RASIP1: variants seen among roughly 807,000 people sequenced by gnomAD.
RASIP1 encodes the protein Ras interacting protein 1.
In RASIP1, 20 loss-of-function variants were observed where a neutral mutation model predicts 85.3. That is an observed-to-expected ratio of 0.23 (90% CI 0.17 to 0.34). The LOEUF (loss-of-function observed/expected upper bound fraction) is 0.34, where lower values mean the gene tolerates loss of function less well. Among genes scored for constraint, RASIP1 ranks in the 10% least tolerant of loss-of-function variants. The pLI is 1.00. For missense variants in RASIP1, 1,170 were observed against 1,390.9 expected (o/e 0.84, Z 2.53); for synonymous variants, 617 against 647.1 (o/e 0.95, Z 0.71).
rs956672159 is a variant in RASIP1, at chr19:48,720,997, C to T, written c.2693G>A (p.Gly898Glu). ...CGAGGAGAAGCTTTCGAAGATGTCCCCTGTGAGGCCGAAGGCGGCGCGGTT... is the reference window on the plus strand; with the variant it reads ...CGAGGAGAAGCTTTCGAAGATGTCCTCTGTGAGGCCGAAGGCGGCGCGGTT... ...PPAEREAVDT[G>E]DIFESFSSHP... is the part of the protein sequence containing the mutation. Residue 898 changes from glycine (G) to glutamate (E), a missense_variant and splice_region_variant, in exon 12 of 12, where the codon GGG (glycine) becomes GAG (glutamate). Transcript: ENST00000222145. The T allele has an allele frequency of 1.3e-6, 2 of 1,592,786 alleles. No individual in the cohort carries two copies. Among genetic ancestry groups the T allele is most frequent in the South Asian group, 1.1e-5 (1 of 90,342 alleles).
At position 48,724,225 on chromosome 19, in the gene RASIP1, G is replaced by A; in HGVS notation, c.2544+112C>T. 8.8e-7 allele frequency: 1 copy of A among 1,142,036 alleles called. No homozygotes were observed. The highest frequency in any genetic ancestry group is 2.5e-5 in the East Asian group (1 of 39,970). 70.7% of individuals were successfully genotyped at this position (1,142,036 alleles called of 1,614,324 possible). A position where few individuals can be genotyped will look rare whatever the true frequency, so the allele number is the denominator to read the frequency against. ...ACCCACAGTGTCTGAGCTGGGGCTG[G>A]GGATGGCATGGGGTTCAAGGGGAGC... is the stretch of plus-strand genomic sequence containing the variant. On this transcript the variant is annotated intron_variant, in intron 10 of 11. Coordinates refer to ENST00000222145, the MANE Select transcript of RASIP1 (RefSeq NM_017805.3). This position sits in a 1 kb window ranked among gnomAD's most constrained non-coding sequence, Gnocchi z 4.6.
chr19:48,722,300 ATTT>A (rs71179038), intron 10 of RASIP1, among the ~76,000 whole-genome samples: 26 of 98,296 alleles, frequency 2.6e-4, no homozygotes, highest in African/African-American at 8.2e-4. Flanking sequence ...GTACTTGGGG[ATTT>A]TTTTTTTTTT....
intron 11 of RASIP1, 85 bp from the exon 12 acceptor site, chr19:48,721,082 C>A: frequency 8.2e-7 from 1 of 1,216,622 alleles, no homozygotes; most frequent in South Asian, 1.6e-5. Flanking sequence ...GCGTCACACC[C>A]AAAGGAAGAA....
intron 10 of RASIP1, among the ~76,000 whole-genome samples, chr19:48,723,436 T>A (rs2033285359): frequency 6.6e-6 from 1 of 151,842 alleles, no homozygotes; most frequent in African/African-American, 2.4e-5. Flanking sequence ...GGCGCGTGCC[T>A]GTTATCCCGG....
chr19:48,735,799 T>C (rs544251005), intron 3 of RASIP1, among the ~76,000 whole-genome samples: 93 of 152,008 alleles, frequency 6.1e-4, no homozygotes, highest in African/African-American at 2.1e-3. Flanking sequence ...TCTTCTTTTT[T>C]TTTTTTTTTA....
Position 48,729,095 on chromosome 19 carries a change from T to C in RASIP1, c.1675A>G (p.Ile559Val). 7.3e-7 allele frequency: 1 copy of C among 1,373,734 alleles called. No individual in the cohort carries two copies. The highest frequency in any genetic ancestry group is 9.3e-7 in the Non-Finnish European group (1 of 1,071,748). The allele number at this position is 1,373,734 out of a possible 1,614,324, so 85.1% of individuals were successfully genotyped here. A position where few individuals can be genotyped will look rare whatever the true frequency, so the allele number is the denominator to read the frequency against. The change falls in exon 5 of 12, where the codon ATC becomes GTC. Residue 559 changes from isoleucine (I) to valine (V), a missense_variant. Physicochemically the swap from Ile to Val is conservative, Grantham distance 29. Coordinates refer to ENST00000222145, the MANE Select transcript of RASIP1 (RefSeq NM_017805.3). Reference sequence around the variant, plus strand: ...GAGCCGGCGGCTGCGGCGCGCACGATCTCGCCCAGCAGCGCCTCCTCCTCG... The same window carrying C: ...GAGCCGGCGGCTGCGGCGCGCACGACCTCGCCCAGCAGCGCCTCCTCCTCG... ...PREEEALLGE[I>V]VRAAAAGSGD...
In RASIP1 at chr19:48,740,182, T is replaced by C; in HGVS notation, c.101A>G (p.Lys34Arg). ...WINSPRKQLA[K>R]LGRRWPSAAS... is the part of the protein sequence containing the mutation. Reference sequence around the variant, plus strand: ...TGCGCTGGGCCAGCGCCGCCCCAGCTTCGCCAGCTGCTTCCTGGGGGAATT... The same window carrying C: ...TGCGCTGGGCCAGCGCCGCCCCAGCCTCGCCAGCTGCTTCCTGGGGGAATT... The change falls in exon 2 of 12, where the codon AAG becomes AGG. Residue 34 changes from lysine (K) to arginine (R), a missense_variant. Lys to Arg is a conservative substitution (Grantham distance 26). Transcript: ENST00000222145. This position sits in a 1 kb window ranked among gnomAD's most constrained non-coding sequence, Gnocchi z 5.5. 6.3e-7 allele frequency: 1 copy of C among 1,595,892 alleles called. No individual in the cohort carries two copies. Among genetic ancestry groups the C allele is most frequent in the Non-Finnish European group, 8.5e-7 (1 of 1,173,862 alleles).
At chr19:48,721,630 C>T (rs909673721) in intron 11 of RASIP1, among the ~76,000 whole-genome samples, 1 of 152,148 alleles carries the variant, frequency 6.6e-6, no homozygotes, top group Non-Finnish European at 1.5e-5. Context: ...GTGAAACCCC[C>T]GTCTCTACTA....
rs1034065270 is a variant in RASIP1 at position 48,735,520 on chromosome 19, C to T, written c.855G>A (p.Lys285=). ...CACCCGACGCCGCCCGGGAGCGGTT[C>T]TTCTGTGGCCGCCACGAAGGGGCGC... The part of the protein sequence containing the change: ...GTGAPSWRPQ[K]NRSRAASGGA... Residue 285 remains lysine (K), a synonymous_variant, in exon 4 of 12, where the codon AAG becomes AAA. Coordinates refer to ENST00000222145, the MANE Select transcript of RASIP1 (RefSeq NM_017805.3). The T allele has an allele frequency of 1.9e-6, 3 of 1,543,996 alleles. No homozygotes were observed. The highest frequency in any genetic ancestry group is 1.4e-5 in the African/African-American group (1 of 72,734).
chr19:48,737,494 C>A lies in RASIP1; in HGVS notation c.823+1466G>T, dbSNP rs1009174181. ...TCCTTCGCCTCTACAGTGATATCTT[C>A]CTTCAGCCCCTTCCTTTCCCATGTG... On this transcript the variant is annotated intron_variant, in intron 3 of 11. Transcript: ENST00000222145. The A allele has an allele frequency of 4.1e-6, 4 of 985,308 alleles. No individual in the cohort carries two copies. The Admixed American group carries it at 2.5e-4, about 61-fold the overall frequency. The allele number at this position is 985,308 out of a possible 1,614,324, so 61.0% of individuals were successfully genotyped here. A position where few individuals can be genotyped will look rare whatever the true frequency, so the allele number is the denominator to read the frequency against.
rs1245642877 is a variant in RASIP1, at chr19:48,739,366, G to C, written c.417C>G (p.Thr139=). The part of the protein sequence containing the change: ...AGVAPEPPLA[T]RATAPPGVLK... Reference sequence around the variant, plus strand: ...GGACCCCCGGAGGCGCCGTGGCGCGGGTAGCCAGCGGGGGCTCGGGGGCCA... The same window carrying C: ...GGACCCCCGGAGGCGCCGTGGCGCGCGTAGCCAGCGGGGGCTCGGGGGCCA... The change falls in exon 3 of 12, where the codon ACC becomes ACG. Residue 139 remains threonine, a synonymous_variant. Transcript: ENST00000222145. This position sits in a 1 kb window ranked among gnomAD's most constrained non-coding sequence, Gnocchi z 9.2. 8.2e-6 allele frequency: 11 copies of C among 1,343,490 alleles called. No homozygotes were observed. Among genetic ancestry groups the C allele is most frequent in the Non-Finnish European group, 1.0e-5 (11 of 1,052,270 alleles). The allele number at this position is 1,343,490 out of a possible 1,614,324, so 83.2% of individuals were successfully genotyped here.
At chr19:48,732,942 G>A (rs2033490638) in intron 4 of RASIP1, among the ~76,000 whole-genome samples, 2 of 152,110 alleles carry the variant, frequency 1.3e-5, no homozygotes. Flanking sequence ...TTTGCCATTG[G>A]TCCCAGCTGT....
chr19:48,736,793 G>A (rs2122478722), intron 3 of RASIP1, among the ~76,000 whole-genome samples: 1 of 152,326 alleles, frequency 6.6e-6, no homozygotes, highest in East Asian at 1.9e-4. Flanking sequence ...CCAGTACTTT[G>A]GGAGGCTGAG....
Position 48,739,480 on chromosome 19 carries a change from C to G in RASIP1, c.303G>C (p.Thr101=), listed in dbSNP as rs1260012439. 4 of 1,502,828 alleles carry G rather than the reference C, an allele frequency of 2.7e-6. No homozygotes were observed. The highest frequency in any genetic ancestry group is 3.5e-6 in the Non-Finnish European group (4 of 1,132,054). 93.1% of individuals were successfully genotyped at this position (1,502,828 alleles called of 1,614,324 possible). A position where few individuals can be genotyped will look rare whatever the true frequency, so the allele number is the denominator to read the frequency against. The part of the protein sequence containing the change: ...QLFRGSGTGT[T]GSSGAGGPGT... The stretch of plus-strand genomic sequence containing the variant: ...CAGGGCCTCCTGCGCCGCTGGACCC[C>G]GTGGTCCCGGTCCCCGAGCCCCGGA... Residue 101 remains threonine, a synonymous_variant, in exon 3 of 12, where the codon ACG becomes ACC. Transcript: ENST00000222145. This position sits in a 1 kb window ranked among gnomAD's most constrained non-coding sequence, Gnocchi z 9.2.
intron 3 of RASIP1, chr19:48,737,883 C>G (rs541053065): frequency 1.0e-6 from 1 of 984,014 alleles, no homozygotes; most frequent in Non-Finnish European, 1.2e-6. Context: ...TCCGTGCTTA[C>G]TCTTCCGGCT....
At position 48,729,057 on chromosome 19, in the gene RASIP1, C is replaced by A; in HGVS notation, c.1713G>T (p.Pro571=). ...RAAAAGSGDL[P]PLGPATLLAL... The stretch of plus-strand genomic sequence containing the variant: ...CCAGCAGCGTGGCGGGCCCGAGGGG[C>A]GGCAGGTCTCCCGAGCCGGCGGCTG... The change falls in exon 5 of 12, where the codon CCG becomes CCT. Residue 571 remains proline, a synonymous_variant. Coordinates refer to ENST00000222145, the MANE Select transcript of RASIP1 (RefSeq NM_017805.3). The A allele has an allele frequency of 7.2e-7, 1 of 1,393,144 alleles. No individual in the cohort carries two copies. Among genetic ancestry groups the A allele is most frequent in the African/African-American group, 1.5e-5 (1 of 65,414 alleles). 86.3% of individuals were successfully genotyped at this position (1,393,144 alleles called of 1,614,324 possible).
chr19:48,739,780 G>T lies in RASIP1; in HGVS notation c.138-135C>A. 1 of 859,914 alleles carries T rather than the reference G, an allele frequency of 1.2e-6. No homozygotes were observed. The highest frequency in any genetic ancestry group is 1.6e-6 in the Non-Finnish European group (1 of 615,550). 53.3% of individuals were successfully genotyped at this position (859,914 alleles called of 1,614,324 possible). On this transcript the variant is annotated intron_variant, in intron 2 of 11. Transcript: ENST00000222145. The surrounding 1 kb of genome is among the most constrained non-coding windows in gnomAD (Gnocchi z 9.2). ...CAGGGACCCAGGGTGGATGGACGGG[G>T]CGGGGGTGAGGGTGGGGACAGACGC...
Position 48,738,942 on chromosome 19 carries a change from GC to G in RASIP1, c.823+17del. On this transcript the variant is annotated intron_variant, in intron 3 of 11. Transcript: ENST00000222145. The surrounding 1 kb of genome is among the most constrained non-coding windows in gnomAD (Gnocchi z 4.0). ...TCTGGCACCGAGTCCCCGCCCCAGAGCCCCGCCCGCCGCTCACCTTCGCTGT... is the reference window on the plus strand; with the variant it reads ...TCTGGCACCGAGTCCCCGCCCCAGAGCCCGCCCGCCGCTCACCTTCGCTGT... 8.5e-7 allele frequency: 1 copy of G among 1,177,230 alleles called. No individual in the cohort carries two copies. The highest frequency in any genetic ancestry group is 1.0e-6 in the Non-Finnish European group (1 of 955,868). The allele number at this position is 1,177,230 out of a possible 1,614,324, so 72.9% of individuals were successfully genotyped here.
In RASIP1 at chr19:48,729,521, C is replaced by T. The variant is rs557995225; in HGVS notation, c.1249G>A (p.Gly417Arg). The change falls in exon 5 of 12, where the codon GGG becomes AGG. Residue 417 changes from glycine to arginine, a missense_variant. By Grantham distance (125) the Gly-to-Arg change is moderately radical (BLOSUM62 -2). Around this residue, in one of 4 missense-constraint regions of RASIP1, gnomAD observed 301 missense variants for 294.8 expected, o/e 1.02. Coordinates refer to ENST00000222145, the MANE Select transcript of RASIP1 (RefSeq NM_017805.3). Reference sequence around the variant, plus strand: ...TCCACATAGGGAGCCGGGGACCCCCCGCGGCCAGACGAGTTCCCACCTCGC... The same window carrying T: ...TCCACATAGGGAGCCGGGGACCCCCTGCGGCCAGACGAGTTCCCACCTCGC... The part of the protein sequence containing the change: ...FGRGGNSSGR[G>R]GSPAPYVDTF... 1.4e-4 allele frequency: 228 copies of T among 1,598,958 alleles called. No homozygotes were observed. In the East Asian group the frequency reaches 5.2e-3, roughly 36 times the overall value.
Sources: allele counts gnomAD v4.1 joint callset (sites outside exome capture counted in the v4.1 genomes callset), GRCh38; gene constraint gnomAD v4.1.1; regional missense constraint gnomAD v4.1.1; non-coding constraint Gnocchi (gnomAD v3.1); transcripts MANE v1.5; gene names NCBI Gene and HGNC (gene_info 2026-07-23, HGNC 2026-07-21).